RFX6: variants seen among roughly 807,000 people sequenced by gnomAD.
RFX6 encodes the protein regulatory factor X6.
RFX6 carries 50 observed loss-of-function variants against 110.8 expected under a neutral mutation model. The observed-to-expected ratio is 0.45, with a 90% CI of 0.36 to 0.57. RFX6 has a LOEUF of 0.57. Among genes scored for constraint, RFX6 ranks in the 20% least tolerant of loss-of-function variants. The pLI, the probability that RFX6 is intolerant of heterozygous loss-of-function variation, is 0.00. For synonymous variants in RFX6, 383 were observed against 411.2 expected, an observed-to-expected ratio of 0.93 and a Z score of 0.83; for missense variants, 990 against 1,127.0, an observed-to-expected ratio of 0.88 and a Z score of 1.74.
chr6:116,883,576 AATT>A (rs1774638526), intron 4 of RFX6, among the ~76,000 whole-genome samples: 1 of 152,166 alleles, frequency 6.6e-6, no homozygotes, highest in Admixed American at 6.5e-5. Context: ...TCAATATAAA[AATT>A]ATTAATCGGA....
At chr6:116,885,494 T>C (rs982017608) in intron 4 of RFX6, among the ~76,000 whole-genome samples, 5 of 152,162 alleles carry the variant, frequency 3.3e-5, no homozygotes, top group South Asian at 2.1e-4. Flanking sequence ...ATTACTGTAT[T>C]ACAAATGAGG....
chr6:116,921,838 C>T (rs1480270641), intron 12 of RFX6, among the ~76,000 whole-genome samples: 1 of 151,990 alleles, frequency 6.6e-6, no homozygotes, highest in Non-Finnish European at 1.5e-5. Context: ...CTCTCACACA[C>T]ACACCATTGA....
chr6:116,919,717 A>G (rs1775551300), intron 11 of RFX6, among the ~76,000 whole-genome samples: 1 of 152,234 alleles, frequency 6.6e-6, no homozygotes, highest in African/African-American at 2.4e-5. Context: ...AGCCTGTGTG[A>G]TACTTAATAT....
At chr6:116,882,050 A>G (rs1774601038) in intron 3 of RFX6, among the ~76,000 whole-genome samples, 1 of 152,056 alleles carries the variant, frequency 6.6e-6, no homozygotes, top group African/African-American at 2.4e-5. Context: ...ATATGAAGAG[A>G]CCCAAATCTT....
At position 116,916,214 on chromosome 6, in the gene RFX6, T is replaced by A; in HGVS notation, c.872T>A (p.Leu291Ter). ...NGNFEEIQHFLLHFWQGMPDH... is the reference protein window; with the variant it reads ...NGNFEEIQHF ...CTCTGCAACTAGATCCAGCATTTTT[T>A]ATTACACTTTTGGCAAGGAATGCCT... The change falls in exon 9 of 19, where the codon TTA becomes TAA. Residue 291 changes from leucine to a stop codon, truncating the protein, a stop_gained. Transcript: ENST00000332958. LOFTEE classifies it high-confidence loss of function. 6.2e-7 allele frequency: 1 copy of A among 1,612,610 alleles called. No individual in the cohort carries two copies. Among genetic ancestry groups the A allele is most frequent in the Non-Finnish European group, 8.5e-7 (1 of 1,178,866 alleles).
intron 4 of RFX6, among the ~76,000 whole-genome samples, chr6:116,884,398 T>C (rs1774655437): frequency 6.6e-6 from 1 of 152,192 alleles, no homozygotes. Flanking sequence ...TTAATACTTA[T>C]TTAATTGATT....
In RFX6 at chr6:116,923,025, A is replaced by C; in HGVS notation, c.1438-82A>C. On this transcript the variant is annotated intron_variant, in intron 13 of 18. Transcript: ENST00000332958. ...CATCTGTCCATTTGTTAGACAGTCT[A>C]TTTACTTCTTGATCTAACACAGGAT... is the stretch of plus-strand genomic sequence containing the variant. The C allele has an allele frequency of 3.8e-6, 3 of 790,860 alleles. No homozygotes were observed. The East Asian group carries it at 7.3e-5, about 19-fold the overall frequency. The allele number at this position is 790,860 out of a possible 1,614,324, so 49.0% of individuals were successfully genotyped here.
At chr6:116,912,308 T>C (rs1424493460) in intron 7 of RFX6, among the ~76,000 whole-genome samples, 1 of 151,416 alleles carries the variant, frequency 6.6e-6, no homozygotes, top group Non-Finnish European at 1.5e-5. Flanking sequence ...GTAACAAACA[T>C]GCATATGTAC....
intron 6 of RFX6, among the ~76,000 whole-genome samples, chr6:116,907,127 AT>A (rs34272842): frequency 6.6e-6 from 1 of 151,564 alleles, no homozygotes. Flanking sequence ...TGAGATTATC[AT>A]TTTTTTATTC....
chr6:116,892,928 A>C (rs1007377973), intron 4 of RFX6, among the ~76,000 whole-genome samples: 14 of 152,120 alleles, frequency 9.2e-5, no homozygotes. Flanking sequence ...GATGAACGGA[A>C]GATTCATCCA....
intron 6 of RFX6, among the ~76,000 whole-genome samples, chr6:116,909,629 T>G (rs1775287649): frequency 8.1e-6 from 1 of 123,604 alleles, no homozygotes; most frequent in South Asian, 2.7e-4. Context: ...TAGTTATTAA[T>G]TAAAAAATTA....
chr6:116,885,873 T>C (rs2114665468), intron 4 of RFX6, among the ~76,000 whole-genome samples: 1 of 152,272 alleles, frequency 6.6e-6, no homozygotes, highest in Non-Finnish European at 1.5e-5. Flanking sequence ...TAGCACAATT[T>C]TATTTTCTGC....
At chr6:116,922,787 C>T (rs1449957315) in intron 13 of RFX6, among the ~76,000 whole-genome samples, 2 of 152,032 alleles carry the variant, frequency 1.3e-5, no homozygotes, top group African/African-American at 4.8e-5. Context: ...ATAGCCCTTC[C>T]TTCACACCTC....
chr6:116,905,615 C>T (rs1239431016), intron 6 of RFX6, among the ~76,000 whole-genome samples: 1 of 149,534 alleles, frequency 6.7e-6, no homozygotes, highest in African/African-American at 2.5e-5. Context: ...TGCAGTGGTG[C>T]AGTCTCGGCT....
At chr6:116,918,255 T>TA (rs1775513629) in intron 10 of RFX6, 169 bp downstream of exon 10, 1 of 585,306 alleles carries the variant, frequency 1.7e-6, no homozygotes, top group African/African-American at 1.9e-5. Flanking sequence ...TGGGCCTCAA[T>TA]AAACAAAATG....
chr6:116,880,507 T>C, intron 2 of RFX6, 37 bp from the exon 3 acceptor site: 1 of 1,590,902 alleles, frequency 6.3e-7, no homozygotes, highest in Non-Finnish European at 8.6e-7. Context: ...GAAAAGGAAA[T>C]AAAATATTTG....
intron 6 of RFX6, among the ~76,000 whole-genome samples, chr6:116,901,601 T>A (rs941121250): frequency 6.6e-6 from 1 of 152,216 alleles, no homozygotes; most frequent in African/African-American, 2.4e-5. Flanking sequence ...GGTTGACCAG[T>A]GTCCATAACG....
rs371479688 is a variant in RFX6 at position 116,877,485 on chromosome 6, G to A, written c.210G>A (p.Gly70=). ...AAGGCGAAGACCCGGAGCTGCCGGGGGCAGTGAAATCAGGTGAGTGCTCTG... is the reference window on the plus strand; with the variant it reads ...AAGGCGAAGACCCGGAGCTGCCGGGAGCAGTGAAATCAGGTGAGTGCTCTG... ...GEKGEDPELP[G]AVKSEMHLNN... Residue 70 remains glycine, a synonymous_variant, in exon 1 of 19, where the codon GGG becomes GGA. Transcript: ENST00000332958. The A allele has an allele frequency of 4.0e-4, 621 of 1,558,672 alleles. 1 individual carries two copies. The highest frequency in any genetic ancestry group is 1.8e-3 in the South Asian group (155 of 84,546).
chr6:116,886,619 A>T (rs1386305282), intron 4 of RFX6, among the ~76,000 whole-genome samples: 1 of 152,242 alleles, frequency 6.6e-6, no homozygotes, highest in Non-Finnish European at 1.5e-5. Context: ...TGTTAATTAC[A>T]GTAATGTCTT....
Sources: allele counts gnomAD v4.1 joint callset (sites outside exome capture counted in the v4.1 genomes callset), GRCh38; gene constraint gnomAD v4.1.1; transcripts MANE v1.5; gene names NCBI Gene and HGNC (gene_info 2026-07-23, HGNC 2026-07-21).